The following MYH3 variants were observed in gnomAD, a reference collection of about 807,000 sequenced individuals.
MYH3 encodes myosin-3.
Under a neutral mutation model 238.0 loss-of-function variants are expected in MYH3, and 130 were observed. That is an observed-to-expected ratio of 0.55 (90% CI 0.47 to 0.63). The LOEUF (loss-of-function observed/expected upper bound fraction) is 0.63, where lower values mean the gene tolerates loss of function less well. MYH3 is among the 30% of genes least tolerant of loss of function. The pLI, the probability that MYH3 is intolerant of heterozygous loss-of-function variation, is 0.00. For synonymous variants in MYH3, 880 were observed against 924.1 expected (o/e 0.95, Z 0.86); for missense variants, 1,853 against 2,374.9 (o/e 0.78, Z 4.57).
chr17:10,635,849 C>T lies in MYH3; in HGVS notation c.3861G>A (p.Glu1287=), dbSNP rs1440941941. ...CTTTTTCTTCCAGCTGACGACTCAG[C>T]TCACCTGTGTCCAGAAGGAAATAGT... ...QKSRLQTEAG[E]LSRQLEEKES... The change falls in exon 29 of 41, where the codon GAG becomes GAA. Residue 1287 remains glutamate (E), a synonymous_variant. Transcript: ENST00000583535. The T allele has an allele frequency of 1.2e-6, 2 of 1,612,326 alleles. No individual in the cohort carries two copies. The highest frequency in any genetic ancestry group is 1.7e-5 in the Admixed American group (1 of 60,016).
At position 10,639,119 on chromosome 17, in the gene MYH3, C is replaced by A. The variant is rs886052582; in HGVS notation, c.3173G>T (p.Gly1058Val). The A allele has an allele frequency of 2.5e-6, 4 of 1,614,024 alleles. No individual in the cohort carries two copies. In the African/African-American group the frequency reaches 5.3e-5, roughly 22 times the overall value. The change falls in exon 25 of 41, where the codon GGA becomes GTA. Residue 1058 changes from glycine to valine, a missense_variant. Physicochemically the swap from Gly to Val is moderately radical, Grantham distance 109 (BLOSUM62 -3). Around this residue, in one of 3 missense-constraint regions of MYH3, gnomAD observed 1,044 missense variants for 1,192.6 expected, o/e 0.88. Coordinates refer to ENST00000583535, the MANE Select transcript of MYH3 (RefSeq NM_002470.4). ...DLERNKRKLE[G>V]DLKLAQESIL... ...GGACTCTTGAGCAAGCTTCAAGTCT[C>A]CTTCCAATTTCCTTTTGTTCCTTTC...
rs1050022679 is a variant in MYH3 at position 10,637,880 on chromosome 17, C to A, written c.3785G>T (p.Gly1262Val). The A allele has an allele frequency of 6.2e-7, 1 of 1,614,104 alleles. No homozygotes were observed. Among genetic ancestry groups the A allele is most frequent in the Admixed American group, 1.7e-5 (1 of 60,010 alleles). The stretch of plus-strand genomic sequence containing the variant: ...GCTCCTCTGAATTTCCTCATTCTTG[C>A]CCCTGGCCTCACTTAACTGATCCTC... The part of the protein sequence containing the change: ...TLEDQLSEAR[G>V]KNEEIQRSLS... The change falls in exon 28 of 41, where the codon GGC (glycine) becomes GTC (valine). Residue 1262 changes from glycine to valine, a missense_variant. Physicochemically the swap from Gly to Val is moderately radical, Grantham distance 109. Around this residue, in one of 3 missense-constraint regions of MYH3, gnomAD observed 1,044 missense variants for 1,192.6 expected, o/e 0.88. Coordinates refer to ENST00000583535, the MANE Select transcript of MYH3 (RefSeq NM_002470.4).
the MYH3 span, chr17:10,677,662 C>T: frequency 1.3e-5 from 2 of 152,200 alleles, no homozygotes; most frequent in African/African-American, 4.8e-5. Flanking sequence ...GCTTCATGAA[C>T]AGCCAGACAC....
the MYH3 span, chr17:10,677,468 G>C: frequency 1.4e-4 from 21 of 152,290 alleles, no homozygotes; most frequent in African/African-American, 4.8e-4. Context: ...AAAAAGGTTT[G>C]GGAGATTATG....
chr17:10,634,257 A>C, intron 31 of MYH3, 75 bp from the exon 32 acceptor site: 2 of 1,553,206 alleles, frequency 1.3e-6, no homozygotes, highest in Non-Finnish European at 1.8e-6. Flanking sequence ...AAATAACTAA[A>C]TTAAATGCAG....
In MYH3 at chr17:10,629,881, T is replaced by G. The variant is rs1232081427; in HGVS notation, c.5619A>C (p.Gln1873His). 6 of 1,614,058 alleles carry G rather than the reference T, an allele frequency of 3.7e-6. No individual in the cohort carries two copies. The African/African-American group carries it at 6.7e-5, about 18-fold the overall frequency. ...GCCTCTTGTAGGACTTGACTTTCAC[T>G]TGCAGTTTATCCACCAGATCCTGCA... is the stretch of plus-strand genomic sequence containing the variant. ...LRLQDLVDKL[Q>H]VKVKSYKRQA... Residue 1873 changes from glutamine (Q) to histidine (H), a missense_variant, in exon 39 of 41, where the codon CAA becomes CAC. By Grantham distance (24) the Gln-to-His change is conservative. This residue lies in a region of MYH3 where 1,044 missense variants were observed against 1,192.6 expected (regional missense o/e 0.88). Transcript: ENST00000583535.
Position 10,638,417 on chromosome 17 carries a change from G to A in MYH3, c.3355C>T (p.Leu1119=), listed in dbSNP as rs749498434. 1 of 1,600,226 alleles carries A rather than the reference G, an allele frequency of 6.2e-7. No homozygotes were observed. Among genetic ancestry groups the A allele is most frequent in the Non-Finnish European group, 8.5e-7 (1 of 1,179,912 alleles). ...IKELQARIEE[L]EEEIEAERAT... is the part of the protein sequence containing the mutation. ...CTCTCCGCCTCTATCTCCTCTTCCA[G>A]CTCCTCAATTCGAGCCTGTGGAGGG... Residue 1119 remains leucine (L), a synonymous_variant, in exon 27 of 41, where the codon CTG becomes TTG. Transcript: ENST00000583535.
chr17:10,635,028 A>C lies in MYH3; in HGVS notation c.4173-5T>G, dbSNP rs1211003558. 6.2e-7 allele frequency: 1 copy of C among 1,613,658 alleles called. No homozygotes were observed. The highest frequency in any genetic ancestry group is 2.2e-5 in the East Asian group (1 of 44,866). On this transcript the variant is annotated splice_polypyrimidine_tract_variant and splice_region_variant and intron_variant, in intron 30 of 40. Transcript: ENST00000583535. ...AGGCGCTGAGCAAGTTTTTTCCTTA[A>C]AGAATATGAAAGAGAAGCAGCTGTT...
At chr17:10,634,733 A>G in intron 31 of MYH3, 107 bp downstream of exon 31, 1 of 1,387,626 alleles carries the variant, frequency 7.2e-7, no homozygotes, top group East Asian at 2.3e-5. Context: ...CCAAGGCCAC[A>G]CTGCTGGTGA....
chr17:10,674,351 G>C, the MYH3 span: 357 of 183,566 alleles, frequency 1.9e-3, 2 homozygotes, highest in African/African-American at 8.2e-3. Context: ...ACTTGAACCA[G>C]GGAGGTGGAG....
Position 10,645,909 on chromosome 17 carries a change from C to A in MYH3, c.1002+20G>T. ...AGTGATGGAGGAGGAACACCCACCC[C>A]TTCTGTTGGTTCCACTTACGTCTGT... is the stretch of plus-strand genomic sequence containing the variant. On this transcript the variant is annotated intron_variant, in intron 11 of 40. Coordinates refer to ENST00000583535, the MANE Select transcript of MYH3 (RefSeq NM_002470.4). The A allele has an allele frequency of 1.2e-6, 2 of 1,613,774 alleles. No homozygotes were observed. The highest frequency in any genetic ancestry group is 1.7e-6 in the Non-Finnish European group (2 of 1,179,742).
At chr17:10,666,469 G>A in the MYH3 span, among the ~76,000 whole-genome samples, 14 of 144,030 alleles carry the variant, frequency 9.7e-5, no homozygotes, top group African/African-American at 3.4e-4. Context: ...AGCTACTTGG[G>A]AGTGGCTCAT....
chr17:10,666,386 C>T, the MYH3 span, among the ~76,000 whole-genome samples: 3 of 150,826 alleles, frequency 2.0e-5, no homozygotes, highest in East Asian at 3.9e-4. Flanking sequence ...TCCGGACCAG[C>T]GTGGGCAACA....
chr17:10,656,921 G>A (rs1373662510), intron 1 of MYH3, among the ~76,000 whole-genome samples: 1 of 152,146 alleles, frequency 6.6e-6, no homozygotes, highest in Non-Finnish European at 1.5e-5. Context: ...CCCCAGTCCT[G>A]TTGACCCTTC....
chr17:10,678,307 C>T, the MYH3 span: 10 of 152,192 alleles, frequency 6.6e-5, no homozygotes, highest in African/African-American at 2.2e-4. Context: ...CTTAATTCTC[C>T]GAGACTGTCC....
the MYH3 span, among the ~76,000 whole-genome samples, chr17:10,669,696 G>T: frequency 6.6e-6 from 1 of 152,112 alleles, no homozygotes; most frequent in Non-Finnish European, 1.5e-5. Context: ...TTGAGCCCAG[G>T]AATTTAAGAC....
the MYH3 span, chr17:10,675,778 T>A: frequency 1.3e-5 from 2 of 152,284 alleles, no homozygotes; most frequent in East Asian, 3.9e-4. Context: ...GCGTTAGTCT[T>A]TTTAAACTGG....
rs886038512 is a variant in MYH3, at chr17:10,634,051, A to C, written c.4488T>G (p.Leu1496=). 1 of 1,614,180 alleles carries C rather than the reference A, an allele frequency of 6.2e-7. No homozygotes were observed. Residue 1496 remains leucine (L), a synonymous_variant, in exon 32 of 41, where the codon CTT becomes CTG. Transcript: ENST00000583535. ...TCTTATTTTCCCGTTTCACAGTTTC[A>C]AGTTGATCTAAGGCTTCCTCGTAGG... The part of the protein sequence containing the change: ...KNAYEEALDQ[L]ETVKRENKNL...
rs1415979886 is a variant in MYH3 at position 10,640,572 on chromosome 17, T to C, written c.2280A>G (p.Gly760=). Residue 760 remains glycine, a synonymous_variant, in exon 20 of 41, where the codon GGA becomes GGG. Transcript: ENST00000583535. The part of the protein sequence containing the change: ...IDIDHTQYKF[G]HTKVFFKAGL... ...AGAACTGATGCATTACCTTGGTATG[T>C]CCAAATTTGTACTGAGTGTGGTCAA... 6.2e-7 allele frequency: 1 copy of C among 1,614,246 alleles called. No individual in the cohort carries two copies. The highest frequency in any genetic ancestry group is 1.7e-5 in the Admixed American group (1 of 60,026).
Sources: gnomAD v4.1 joint callset for allele counts (sites outside exome capture counted in the v4.1 genomes callset) on GRCh38, gnomAD v4.1.1 for gene constraint, gnomAD v4.1.1 regional missense constraint, MANE v1.5 for transcripts, NCBI Gene and HGNC (gene_info 2026-07-23, HGNC 2026-07-21) for gene names.